Variants in ENGASE observed in about 807,000 individuals in gnomAD.
ENGASE encodes cytosolic endo-beta-N-acetylglucosaminidase.
A neutral mutation model predicts 78.5 loss-of-function variants in ENGASE; 69 were observed. That is an observed-to-expected ratio of 0.88 (90% CI 0.72 to 1.07). The LOEUF (loss-of-function observed/expected upper bound fraction) is 1.07. Ranked by LOEUF, ENGASE falls within the 50% of genes least tolerant of loss-of-function variation. The pLI is 0.00. For synonymous variants in ENGASE, 408 were observed against 408.9 expected (o/e 1.00, Z 0.03); for missense variants, 943 against 988.4 (o/e 0.95, Z 0.62).
At chr17:79,082,300 T>A in intron 7 of ENGASE, 1 of 1,443,178 alleles carries the variant, frequency 6.9e-7, no homozygotes, top group South Asian at 1.3e-5. Context: ...GTGTGGGTGT[T>A]ACCAGACAGA....
chr17:79,075,986 G>C, intron 1 of ENGASE: 8 of 789,480 alleles, frequency 1.0e-5, no homozygotes, highest in Non-Finnish European at 1.2e-5. Context: ...GGAAAAGGAA[G>C]GTGGAGAGGA....
In ENGASE at chr17:79,084,640, A is replaced by G. The variant is rs2073239211; in HGVS notation, c.1545A>G (p.Thr515=). The G allele has an allele frequency of 6.2e-7, 1 of 1,613,402 alleles. No homozygotes were observed. The highest frequency in any genetic ancestry group is 8.5e-7 in the Non-Finnish European group (1 of 1,179,816). Residue 515 remains threonine (T), a synonymous_variant, in exon 11 of 14, where the codon ACA becomes ACG. Coordinates refer to ENST00000579016, the MANE Select transcript of ENGASE (RefSeq NM_001042573.3). ...TCACAGTTGCTTTGGAGCTGACCAC[A>G]GGGGATGCCGGCAGCTGCCACATCG... ...TDVTVALELT[T]GDAGSCHIGG...
rs768648762 is a variant in ENGASE at position 79,079,656 on chromosome 17, C to T, written c.565+19C>T. 1.2e-6 allele frequency: 2 copies of T among 1,608,310 alleles called. No homozygotes were observed. The highest frequency in any genetic ancestry group is 8.5e-7 in the Non-Finnish European group (1 of 1,177,962). ...GTGCTGGGTAAGAGCCAAGGACTCA[C>T]CTCTGTGTCAGCCAGACTCCTCAGC... On this transcript the variant is annotated intron_variant, in intron 4 of 13. Coordinates refer to ENST00000579016, the MANE Select transcript of ENGASE (RefSeq NM_001042573.3).
intron 12 of ENGASE, 46 bp downstream of exon 12, chr17:79,085,388 C>T (rs2066367095): frequency 1.3e-6 from 2 of 1,501,348 alleles, no homozygotes; most frequent in African/African-American, 1.4e-5. Flanking sequence ...ACTCAAGTCT[C>T]TGTTGGGAAA....
intron 10 of ENGASE, 85 bp downstream of exon 10, chr17:79,084,036 A>G: frequency 1.6e-6 from 2 of 1,230,634 alleles, no homozygotes; most frequent in Non-Finnish European, 2.3e-6. Flanking sequence ...GGGGCAGTGG[A>G]GGCCAGAACA....
In ENGASE at chr17:79,083,947, G is replaced by A. The variant is rs1434709428; in HGVS notation, c.1438G>A (p.Val480Met). The change falls in exon 10 of 14, where the codon GTG becomes ATG. Residue 480 changes from valine to methionine, a missense_variant. Transcript: ENST00000579016. This position sits in a 1 kb window ranked among gnomAD's most constrained non-coding sequence, Gnocchi z 4.9. ...CCCACCGGAGGTTGGAAATGTGGCT[G>A]TGAGGTGGGTGAGTGACGGAGGACG... is the stretch of plus-strand genomic sequence containing the variant. ...VIPPEVGNVAVRLFSLQAPVP... is the reference protein window; with the variant it reads ...VIPPEVGNVAMRLFSLQAPVP... 3 of 1,609,372 alleles carry A rather than the reference G, an allele frequency of 1.9e-6. No individual in the cohort carries two copies. The highest frequency in any genetic ancestry group is 2.5e-6 in the Non-Finnish European group (3 of 1,179,464).
At chr17:79,077,969 G>C in intron 3 of ENGASE, 105 bp downstream of exon 3, 2 of 1,194,534 alleles carry the variant, frequency 1.7e-6, no homozygotes, top group Non-Finnish European at 2.3e-6. Flanking sequence ...AGCACTGGGC[G>C]GGGAGTCAGG....
chr17:79,082,606 A>G, intron 7 of ENGASE: 2 of 1,269,326 alleles, frequency 1.6e-6, no homozygotes, highest in Non-Finnish European at 1.0e-6. Flanking sequence ...CTGGTCTATC[A>G]GTCCTGCCCG....
At chr17:79,082,422 A>C in intron 7 of ENGASE, 1 of 1,225,456 alleles carries the variant, frequency 8.2e-7, no homozygotes. Flanking sequence ...AGGGGCCTGC[A>C]GCGCCTCTCA....
At chr17:79,082,524 A>G (rs1469949443) in intron 7 of ENGASE, 3 of 1,204,298 alleles carry the variant, frequency 2.5e-6, no homozygotes, top group Non-Finnish European at 3.1e-6. Context: ...AAGGCAGGTC[A>G]CACCAGCACA....
rs1319551925 is a variant in ENGASE, at chr17:79,088,420, CAATT to C, written c.*2077_*2080del. ...ATTTTCTCACAGTCTGGTGAGCAGG[CAATT>C]AATTAGGAGTAAGGGGGCCTAGTAG... On this transcript the variant is annotated 3_prime_UTR_variant, in exon 14 of 14. Coordinates refer to ENST00000579016, the MANE Select transcript of ENGASE (RefSeq NM_001042573.3). 1.3e-5 allele frequency: 2 copies of C among 152,278 alleles called. No homozygotes were observed. Among genetic ancestry groups the C allele is most frequent in the East Asian group, 1.9e-4 (1 of 5,172 alleles). The allele number at this position is 152,278 out of a possible 1,614,324, so 9.4% of individuals were successfully genotyped here.
At chr17:79,081,120 G>T in intron 6 of ENGASE, 47 bp downstream of exon 6, 2 of 1,509,570 alleles carry the variant, frequency 1.3e-6, no homozygotes, top group Non-Finnish European at 1.8e-6. Context: ...CCGTGGTGGG[G>T]GCGGGTACTG....
chr17:79,080,430 C>G (rs1599337982), intron 5 of ENGASE, 66 bp downstream of exon 5: 3 of 1,572,394 alleles, frequency 1.9e-6, no homozygotes, highest in East Asian at 4.5e-5. Context: ...CCACCTCTTT[C>G]CTGCCTTGGC....
Position 79,085,649 on chromosome 17 carries a change from T to G in ENGASE, c.1730T>G (p.Leu577Arg). The G allele has an allele frequency of 6.2e-7, 1 of 1,613,966 alleles. No homozygotes were observed. The highest frequency in any genetic ancestry group is 8.5e-7 in the Non-Finnish European group (1 of 1,180,008). ...TACGAGGTGAGCCTGCGTGGGTGCC[T>G]GCTGCTAGACCTCCTCGTTTGCTTC... The part of the protein sequence containing the change: ...HCYEVSLRGC[L>R]LLDLLVCFSR... Residue 577 changes from leucine (L) to arginine (R), a missense_variant, in exon 13 of 14, where the codon CTG becomes CGG. Coordinates refer to ENST00000579016, the MANE Select transcript of ENGASE (RefSeq NM_001042573.3).
intron 2 of ENGASE, 55 bp from the exon 3 acceptor site, chr17:79,077,608 G>A (rs1036544821): frequency 1.1e-5 from 17 of 1,601,370 alleles, no homozygotes; most frequent in Admixed American, 6.8e-5. Context: ...AAAATGTTTC[G>A]ATTAATCCTA....
Position 79,083,197 on chromosome 17 carries a change from C to T in ENGASE, c.1142+74C>T. On this transcript the variant is annotated intron_variant, in intron 8 of 13. Coordinates refer to ENST00000579016, the MANE Select transcript of ENGASE (RefSeq NM_001042573.3). This position sits in a 1 kb window ranked among gnomAD's most constrained non-coding sequence, Gnocchi z 4.9. Reference sequence around the variant, plus strand: ...GGTTTCTGGTGTCTCTGATAGGACACGTTTGTGCTCTTTAGTGACCCTTCC... The same window carrying T: ...GGTTTCTGGTGTCTCTGATAGGACATGTTTGTGCTCTTTAGTGACCCTTCC... 12 of 1,137,166 alleles carry T rather than the reference C, an allele frequency of 1.1e-5. No homozygotes were observed. The East Asian group carries it at 1.2e-4, about 11-fold the overall frequency. The allele number at this position is 1,137,166 out of a possible 1,614,324, so 70.4% of individuals were successfully genotyped here. A position where few individuals can be genotyped will look rare whatever the true frequency, so the allele number is the denominator to read the frequency against.
chr17:79,086,434 A>T lies in ENGASE; in HGVS notation c.*85A>T. ...GCCCCTGGCCTGCGCTGGACCTGCT[A>T]AGTGCCCACAGTGGCAGCGAGGTCC... is the stretch of plus-strand genomic sequence containing the variant. On this transcript the variant is annotated 3_prime_UTR_variant, in exon 14 of 14. Transcript: ENST00000579016. 1 of 1,469,336 alleles carries T rather than the reference A, an allele frequency of 6.8e-7. No individual in the cohort carries two copies. Among genetic ancestry groups the T allele is most frequent in the South Asian group, 1.3e-5 (1 of 74,104 alleles). The allele number at this position is 1,469,336 out of a possible 1,614,324, so 91.0% of individuals were successfully genotyped here. A position where few individuals can be genotyped will look rare whatever the true frequency, so the allele number is the denominator to read the frequency against.
rs116067596 is a variant in ENGASE, at chr17:79,082,336, T to A, written c.1038+273T>A. The A allele has an allele frequency of 8.6e-4, 1,142 of 1,326,434 alleles. 7 individuals are homozygous for A. The African/African-American group carries it at 0.015, about 17-fold the overall frequency. 82.2% of individuals were successfully genotyped at this position (1,326,434 alleles called of 1,614,324 possible). ...GGCGCGTCGTTCCCCCGCTGTCCGG[T>A]CCTCGGCGGGCCTGGGCCTCCTGTC... On this transcript the variant is annotated intron_variant, in intron 7 of 13. Coordinates refer to ENST00000579016, the MANE Select transcript of ENGASE (RefSeq NM_001042573.3).
At chr17:79,082,892 GA>G in intron 7 of ENGASE, 127 bp from the exon 8 acceptor site, 1 of 1,577,070 alleles carries the variant, frequency 6.3e-7, no homozygotes, top group Non-Finnish European at 8.6e-7. Context: ...ATCTAGGAGG[GA>G]GGGGTTGGAC....
Sources: allele counts gnomAD v4.1 joint callset, GRCh38; gene constraint gnomAD v4.1.1; non-coding constraint Gnocchi (gnomAD v3.1); transcripts MANE v1.5; gene names NCBI Gene and HGNC (gene_info 2026-07-23, HGNC 2026-07-21).